The following PRR11 variants were observed in gnomAD, a reference collection of about 807,000 sequenced individuals.
PRR11 encodes proline rich 11, also known as proline-rich protein 11.
Under a neutral mutation model 45.6 loss-of-function variants are expected in PRR11, and 30 were observed. That is an observed-to-expected ratio of 0.66 (90% CI 0.49 to 0.89). PRR11 has a LOEUF of 0.89. Among genes scored for constraint, PRR11 ranks in the 40% least tolerant of loss-of-function variants. PRR11 has a pLI of 0.00. For missense variants in PRR11, 373 were observed against 424.8 expected (o/e 0.88, Z 1.07); for synonymous variants, 128 against 153.5 (o/e 0.83, Z 1.23).
At chr17:59,194,327 G>A (rs1468921886) in intron 5 of PRR11, among the ~76,000 whole-genome samples, 1 of 148,542 alleles carries the variant, frequency 6.7e-6, no homozygotes, top group African/African-American at 2.5e-5. Context: ...GGAGCCTATT[G>A]TTATATTTGC....
chr17:59,159,140 T>C (rs1239121014), intron 1 of PRR11, among the ~76,000 whole-genome samples: 2 of 152,102 alleles, frequency 1.3e-5, no homozygotes, highest in Admixed American at 1.3e-4. Flanking sequence ...TCTTTTTTTA[T>C]AACCCTCTAC....
chr17:59,180,666 C>G (rs146100785), intron 2 of PRR11, among the ~76,000 whole-genome samples: 1 of 151,102 alleles, frequency 6.6e-6, no homozygotes, highest in Non-Finnish European at 1.5e-5. Flanking sequence ...CCACCACACC[C>G]GGCTAAGTTT....
Position 59,192,013 on chromosome 17 carries a change from C to A in PRR11, c.403-1479C>A, listed in dbSNP as rs752363679. 5.9e-5 allele frequency among the ~76,000 whole-genome samples: 9 copies of A among 152,140 alleles called. 1 individual carries two copies. In the South Asian group the frequency reaches 6.2e-4, roughly 11 times the overall value. On this transcript the variant is annotated intron_variant, in intron 4 of 9. Coordinates refer to ENST00000262293, the MANE Select transcript of PRR11 (RefSeq NM_018304.4). ...CCAAAAGGTATATTCAAGTCCTAAT[C>A]CCCAGAACCTGTAAATACTGCCTTA... is the stretch of plus-strand genomic sequence containing the variant.
chr17:59,196,316 GAC>G lies in PRR11; in HGVS notation c.857+878_857+879del, dbSNP rs761978028. 2.5e-4 allele frequency among the ~76,000 whole-genome samples: 38 copies of G among 152,018 alleles called. 1 individual carries two copies. The highest frequency in any genetic ancestry group is 3.9e-4 in the Admixed American group (6 of 15,238). On this transcript the variant is annotated intron_variant, in intron 7 of 9. Transcript: ENST00000262293. ...ATATACCATATTTGCTTGATTCCAA[GAC>G]ACACTAGTTTTCATATTATATAATT...
chr17:59,183,188 C>G (rs944863940), intron 2 of PRR11, among the ~76,000 whole-genome samples: 1 of 152,144 alleles, frequency 6.6e-6, no homozygotes, highest in African/African-American at 2.4e-5. Flanking sequence ...GCCACTGTCC[C>G]AACCTCAGAC....
intron 1 of PRR11, among the ~76,000 whole-genome samples, chr17:59,167,866 G>C (rs1294368716): frequency 6.6e-6 from 1 of 152,128 alleles, no homozygotes; most frequent in Admixed American, 6.5e-5. Flanking sequence ...GTTCTTTACT[G>C]CATCCTGTTT....
chr17:59,190,981 C>G (rs530769797), intron 4 of PRR11, among the ~76,000 whole-genome samples: 1 of 152,202 alleles, frequency 6.6e-6, no homozygotes, highest in Non-Finnish European at 1.5e-5. Context: ...AAGCTCTGCT[C>G]TGTATTGCTG....
chr17:59,184,440 C>T (rs1198723096), intron 2 of PRR11, among the ~76,000 whole-genome samples: 2 of 152,088 alleles, frequency 1.3e-5, no homozygotes, highest in Non-Finnish European at 2.9e-5. Flanking sequence ...CCAGCCTGGG[C>T]AACAAGAGCA....
rs186205337 is a variant in PRR11 at position 59,202,349 on chromosome 17, C to T, written c.*718C>T. 4 of 152,196 alleles carry T rather than the reference C, an allele frequency of 2.6e-5. No individual in the cohort carries two copies. Among genetic ancestry groups the T allele is most frequent in the Admixed American group, 6.5e-5 (1 of 15,276 alleles). The allele number at this position is 152,196 out of a possible 1,614,324, so 9.4% of individuals were successfully genotyped here. On this transcript the variant is annotated 3_prime_UTR_variant, in exon 10 of 10. Transcript: ENST00000262293. The stretch of plus-strand genomic sequence containing the variant: ...GCCAAGGTGGGAGGATTGCTTGAGC[C>T]CAGGAATTCAAGACTAGCCTGGGCA...
At position 59,206,451 on chromosome 17, in the gene PRR11, T is replaced by A. The variant is rs1345363129; in HGVS notation, c.*4820T>A. Among the ~76,000 whole-genome samples, 1 of 152,206 alleles carries A rather than the reference T, an allele frequency of 6.6e-6. No individual in the cohort carries two copies. The highest frequency in any genetic ancestry group is 6.5e-5 in the Admixed American group (1 of 15,270). ...CTGTGGAAATCATATAGACAAACATTTGCAAAGCTGCTACTGCCATTGTAC... is the reference window on the plus strand; with the variant it reads ...CTGTGGAAATCATATAGACAAACATATGCAAAGCTGCTACTGCCATTGTAC... On this transcript the variant is annotated 3_prime_UTR_variant, in exon 10 of 10. Coordinates refer to ENST00000262293, the MANE Select transcript of PRR11 (RefSeq NM_018304.4).
At chr17:59,156,712 G>A (rs1174650668) in intron 1 of PRR11, among the ~76,000 whole-genome samples, 1 of 150,916 alleles carries the variant, frequency 6.6e-6, no homozygotes, top group Non-Finnish European at 1.5e-5. Context: ...CTAGGCTGGA[G>A]TACAGTGGCA....
At chr17:59,171,394 T>A (rs1479045318) in intron 2 of PRR11, among the ~76,000 whole-genome samples, 1 of 152,176 alleles carries the variant, frequency 6.6e-6, no homozygotes, top group Non-Finnish European at 1.5e-5. Context: ...GGAACTATCA[T>A]GTAGCTATAA....
At chr17:59,164,612 A>G (rs926971535) in intron 1 of PRR11, among the ~76,000 whole-genome samples, 6 of 152,184 alleles carry the variant, frequency 3.9e-5, no homozygotes, top group African/African-American at 1.4e-4. Flanking sequence ...ACTCAGCCTT[A>G]GATAGAAGTT....
intron 9 of PRR11, chr17:59,197,994 A>G (rs2046875027): frequency 3.8e-6 from 2 of 531,652 alleles, no homozygotes; most frequent in South Asian, 2.3e-5. Flanking sequence ...GCATGCCTGT[A>G]GTTCCAGCTA....
rs564643757 is a variant in PRR11, at chr17:59,180,127, C to CTT, written c.129-4907_129-4906dup. The stretch of plus-strand genomic sequence containing the variant: ...TCATCCCTAGTTCTCTGAGTCTCTC[C>CTT]TTTTTTTTTTTTTTTTTTTTTGACA... On this transcript the variant is annotated intron_variant, in intron 2 of 9. Transcript: ENST00000262293. Among the ~76,000 whole-genome samples, 153 of 114,918 alleles carry CTT rather than the reference C, an allele frequency of 1.3e-3. 2 individuals are homozygous for CTT. The highest frequency in any genetic ancestry group is 7.9e-3 in the East Asian group (31 of 3,928). 75.4% of individuals were successfully genotyped at this position (114,918 alleles called of 152,430 possible).
In PRR11 at chr17:59,206,547, G is replaced by A. The variant is rs1341245497; in HGVS notation, c.*4916G>A. Among the ~76,000 whole-genome samples, 1 of 152,068 alleles carries A rather than the reference G, an allele frequency of 6.6e-6. No homozygotes were observed. Among genetic ancestry groups the A allele is most frequent in the African/African-American group, 2.4e-5 (1 of 41,394 alleles). ...GACAGATTTTATATTGTAACCATTT[G>A]AGAACTCTGTAAGTGCTATGGCTTC... On this transcript the variant is annotated 3_prime_UTR_variant, in exon 10 of 10. Transcript: ENST00000262293.
rs144053712 is a variant in PRR11, at chr17:59,156,730, G to T, written c.-6+925G>T. Among the ~76,000 whole-genome samples the T allele has an allele frequency of 6.2e-3, 940 of 150,724 alleles. 12 individuals are homozygous for T. Among genetic ancestry groups the T allele is most frequent in the African/African-American group, 0.022 (912 of 40,898 alleles). ...GGCTGGAGTACAGTGGCACAATCTC[G>T]GCCCACTACAACCTCAGCCTCCTGA... On this transcript the variant is annotated intron_variant, in intron 1 of 9. Transcript: ENST00000262293.
At chr17:59,185,784 A>C (rs1171780193) in intron 4 of PRR11, among the ~76,000 whole-genome samples, 1 of 152,228 alleles carries the variant, frequency 6.6e-6, no homozygotes, top group Non-Finnish European at 1.5e-5. Flanking sequence ...AGCTGATTGG[A>C]TCAGGGAACA....
chr17:59,205,373 CCTT>C lies in PRR11; in HGVS notation c.*3746_*3748del, dbSNP rs1331657697. 6.6e-6 allele frequency among the ~76,000 whole-genome samples: 1 copy of C among 151,604 alleles called. No homozygotes were observed. Among genetic ancestry groups the C allele is most frequent in the South Asian group, 2.1e-4 (1 of 4,782 alleles). ...AAAGTTTTGGTTTTTCTCTTTCTAA[CCTT>C]CTTTTTAAACTAGAAATATAATACC... On this transcript the variant is annotated 3_prime_UTR_variant, in exon 10 of 10. Transcript: ENST00000262293.
Sources: gnomAD v4.1 joint callset for allele counts (sites outside exome capture counted in the v4.1 genomes callset) on GRCh38, gnomAD v4.1.1 for gene constraint, MANE v1.5 for transcripts, NCBI Gene and HGNC (gene_info 2026-07-23, HGNC 2026-07-21) for gene names.